Variants in RARB observed in about 807,000 individuals in gnomAD.
The protein encoded by RARB is HBV-activated protein.
Under a neutral mutation model 51.9 loss-of-function variants are expected in RARB, and 17 were observed. That is an observed-to-expected ratio of 0.33 (90% CI 0.22 to 0.49). The LOEUF is 0.49. RARB is among the 20% of genes least tolerant of loss of function. The pLI is 0.99. For synonymous variants in RARB, 215 were observed against 195.4 expected, an observed-to-expected ratio of 1.10 and a Z score of -0.84; for missense variants, 369 against 550.8, an observed-to-expected ratio of 0.67 and a Z score of 3.30.
intron 2 of RARB, among the ~76,000 whole-genome samples, chr3:24,871,583 G>T (rs1037502503): frequency 6.6e-6 from 1 of 152,028 alleles, no homozygotes; most frequent in African/African-American, 2.4e-5. Flanking sequence ...TACGTTCTTG[G>T]CTTTTATGCT....
chr3:25,511,974 C>T (rs1697916795), intron 3 of RARB, among the ~76,000 whole-genome samples: 1 of 152,166 alleles, frequency 6.6e-6, no homozygotes, highest in African/African-American at 2.4e-5. Context: ...AAGGGGGAGT[C>T]AGATTCATAC....
chr3:25,377,183 T>C (rs1175817917), intron 5 of RARB, among the ~76,000 whole-genome samples: 2 of 152,192 alleles, frequency 1.3e-5, no homozygotes, highest in African/African-American at 2.4e-5. Flanking sequence ...CTCTCAGACA[T>C]GCCGCATGCT....
chr3:25,248,929 A>G (rs1346499260), intron 5 of RARB, among the ~76,000 whole-genome samples: 1 of 152,032 alleles, frequency 6.6e-6, no homozygotes, highest in East Asian at 1.9e-4. Flanking sequence ...TTTTTTAATT[A>G]TATCTTTTTG....
intron 5 of RARB, among the ~76,000 whole-genome samples, chr3:25,201,211 T>C (rs1028080694): frequency 2.0e-5 from 3 of 152,202 alleles, no homozygotes; most frequent in African/African-American, 7.2e-5. Flanking sequence ...GGGAGTTCAC[T>C]CGTGATTTGG....
intron 5 of RARB, among the ~76,000 whole-genome samples, chr3:25,316,946 T>G (rs1388184386): frequency 1.3e-5 from 2 of 152,186 alleles, no homozygotes; most frequent in African/African-American, 4.8e-5. Context: ...GAATAAATTA[T>G]TCACCCCAGG....
At chr3:24,969,613 C>T (rs1376649672) in intron 2 of RARB, among the ~76,000 whole-genome samples, 1 of 152,062 alleles carries the variant, frequency 6.6e-6, no homozygotes, top group African/African-American at 2.4e-5. Flanking sequence ...ATACTTATGT[C>T]TTTCTCAATA....
intron 2 of RARB, among the ~76,000 whole-genome samples, chr3:25,026,062 AT>A: frequency 6.6e-6 from 1 of 152,250 alleles, no homozygotes; most frequent in Admixed American, 6.5e-5. Context: ...GTACAAAGTG[AT>A]TTTTAAGTTT....
intron 3 of RARB, among the ~76,000 whole-genome samples, chr3:25,551,646 G>A (rs1699855706): frequency 6.6e-6 from 1 of 152,216 alleles, no homozygotes; most frequent in Non-Finnish European, 1.5e-5. Flanking sequence ...GTCTGGGCTA[G>A]AGATTGAGAT....
At chr3:25,189,597 C>T (rs1701050259) in intron 5 of RARB, among the ~76,000 whole-genome samples, 1 of 152,056 alleles carries the variant, frequency 6.6e-6, no homozygotes, top group Non-Finnish European at 1.5e-5. Context: ...AGAAAATCCT[C>T]AGTTGTTGGG....
intron 3 of RARB, among the ~76,000 whole-genome samples, chr3:25,070,835 C>G (rs1039160815): frequency 6.6e-6 from 1 of 152,214 alleles, no homozygotes; most frequent in African/African-American, 2.4e-5. Context: ...CCATGGCCAT[C>G]TACAACTTTA....
chr3:25,136,269 T>C (rs1700030591), intron 4 of RARB, among the ~76,000 whole-genome samples: 1 of 152,024 alleles, frequency 6.6e-6, no homozygotes, highest in Admixed American at 6.6e-5. Context: ...TTGAATTGCG[T>C]GATTAATACT....
rs1698829443 is a variant in RARB at position 25,074,377 on chromosome 3, C to T, written c.-328+14201C>T. Among the ~76,000 whole-genome samples the T allele has an allele frequency of 2.6e-5, 4 of 152,222 alleles. No individual in the cohort carries two copies. The South Asian group carries it at 8.3e-4, about 32-fold the overall frequency. On this transcript the variant is annotated intron_variant, in intron 3 of 11. Transcript: ENST00000383772. ...ATGATAGGAGTGTGTTTATTTTATC[C>T]TGGACAGTTGCTACTGACTATTAAG...
intron 5 of RARB, among the ~76,000 whole-genome samples, chr3:25,311,354 G>A (rs1390342234): frequency 2.0e-5 from 3 of 152,220 alleles, no homozygotes; most frequent in Non-Finnish European, 4.4e-5. Flanking sequence ...CCGCTGATAG[G>A]AATTTTAAAA....
intron 2 of RARB, among the ~76,000 whole-genome samples, chr3:25,483,553 A>G (rs1696331922): frequency 6.7e-6 from 1 of 148,892 alleles, no homozygotes; most frequent in Non-Finnish European, 1.5e-5. Flanking sequence ...TTTTTCACTC[A>G]AAAAAAGAGA....
chr3:25,236,797 A>G (rs1702311491), intron 5 of RARB, among the ~76,000 whole-genome samples: 1 of 151,918 alleles, frequency 6.6e-6, no homozygotes. Context: ...CATGCAATAC[A>G]TTTTATTAAG....
At chr3:25,194,973 T>C (rs957239522) in intron 5 of RARB, among the ~76,000 whole-genome samples, 1 of 151,994 alleles carries the variant, frequency 6.6e-6, no homozygotes, top group African/African-American at 2.4e-5. Flanking sequence ...AAAGGATTTA[T>C]ATGGCTTGCT....
chr3:24,911,487 C>A (rs1258813488), intron 2 of RARB, among the ~76,000 whole-genome samples: 1 of 152,064 alleles, frequency 6.6e-6, no homozygotes, highest in African/African-American at 2.4e-5. Flanking sequence ...AGGAATGGTC[C>A]CATGGTTTGG....
At chr3:25,018,020 G>A (rs190319987) in intron 2 of RARB, among the ~76,000 whole-genome samples, 1 of 152,228 alleles carries the variant, frequency 6.6e-6, no homozygotes, top group East Asian at 1.9e-4. Context: ...CTTGGTCTTG[G>A]ACTACCCAGC....
chr3:24,934,731 T>C (rs1215022305), intron 2 of RARB, among the ~76,000 whole-genome samples: 3 of 152,152 alleles, frequency 2.0e-5, no homozygotes, highest in African/African-American at 7.2e-5. Context: ...CATATTCCTA[T>C]ATTATTATGA....
Sources: allele counts gnomAD v4.1 joint callset (sites outside exome capture counted in the v4.1 genomes callset), GRCh38; gene constraint gnomAD v4.1.1; transcripts MANE v1.5; gene names NCBI Gene and HGNC (gene_info 2026-07-23, HGNC 2026-07-21).